NCOA6: variants seen among roughly 807,000 people sequenced by gnomAD.
The protein encoded by NCOA6 is NRC RAP250.
Under a neutral mutation model 171.4 loss-of-function variants are expected in NCOA6, and 49 were observed. The observed-to-expected ratio is 0.29, with a 90% CI of 0.23 to 0.36. The LOEUF is 0.36. NCOA6 is among the 10% of genes least tolerant of loss of function. NCOA6 has a pLI of 1.00. For synonymous variants in NCOA6, 910 were observed against 927.5 expected, an observed-to-expected ratio of 0.98 and a Z score of 0.34; for missense variants, 2,248 against 2,554.5, an observed-to-expected ratio of 0.88 and a Z score of 2.59.
chr20:34,725,590 C>T (rs1361947910), intron 14 of NCOA6, among the ~76,000 whole-genome samples: 1 of 152,142 alleles, frequency 6.6e-6, no homozygotes, highest in Non-Finnish European at 1.5e-5. Context: ...GGACTTTAAT[C>T]CTAATTACAA....
intron 6 of NCOA6, 132 bp from the exon 7 acceptor site, chr20:34,758,236 A>T: frequency 8.2e-7 from 1 of 1,215,348 alleles, no homozygotes; most frequent in Admixed American, 2.8e-5. Flanking sequence ...GCTTGTGAAT[A>T]CCTTCTATGT....
intron 5 of NCOA6, 93 bp from the exon 6 acceptor site, chr20:34,759,026 TTTG>T: frequency 7.1e-7 from 1 of 1,404,998 alleles, no homozygotes. Flanking sequence ...ATATGGAAAA[TTTG>T]TTTTTTTTTT....
intron 9 of NCOA6, among the ~76,000 whole-genome samples, chr20:34,748,321 AC>A (rs1164299330): frequency 2.0e-5 from 3 of 152,224 alleles, no homozygotes; most frequent in East Asian, 3.8e-4. Context: ...TTAATAATAC[AC>A]CATGATTAGC....
At position 34,747,709 on chromosome 20, in the gene NCOA6, T is replaced by C. The variant is rs118174572; in HGVS notation, c.2793-781A>G. Among the ~76,000 whole-genome samples, 37 of 152,304 alleles carry C rather than the reference T, an allele frequency of 2.4e-4. 1 individual carries two copies. In the East Asian group the frequency reaches 4.0e-3, roughly 17 times the overall value. ...TAGTGTTTTGTCTCATTATACTCTGTACAGTTTCATAAGCCACAAAAATCC... is the reference window on the plus strand; with the variant it reads ...TAGTGTTTTGTCTCATTATACTCTGCACAGTTTCATAAGCCACAAAAATCC... On this transcript the variant is annotated intron_variant, in intron 9 of 14. Coordinates refer to ENST00000359003, the MANE Select transcript of NCOA6 (RefSeq NM_014071.5).
At position 34,781,407 on chromosome 20, in the gene NCOA6, C is replaced by T. The variant is rs78385543; in HGVS notation, c.235+714G>A. ...ACCACAAATGCCCGTAAGATATGGA[C>T]AGGTAATCTAAATGTGTGAAGAAGC... is the stretch of plus-strand genomic sequence containing the variant. On this transcript the variant is annotated intron_variant, in intron 3 of 14. Transcript: ENST00000359003. Among the ~76,000 whole-genome samples, 1,117 of 152,318 alleles carry T rather than the reference C, an allele frequency of 7.3e-3. 13 individuals carry two copies. The highest frequency in any genetic ancestry group is 0.024 in the African/African-American group (1,016 of 41,558).
Position 34,758,085 on chromosome 20 carries a change from G to A in NCOA6, c.663C>T (p.Leu221=). ...TTTGCTGCTGTATATGGAGCCCAGA[G>A]AGGAGTGGATCCATTGCATCTGTTT... is the stretch of plus-strand genomic sequence containing the variant. ...ASQSDAMDPL[L]SGLHIQQQSH... is the part of the protein sequence containing the mutation. Residue 221 remains leucine (L), a synonymous_variant, in exon 7 of 15, where the codon CTC becomes CTT. Coordinates refer to ENST00000359003, the MANE Select transcript of NCOA6 (RefSeq NM_014071.5). The A allele has an allele frequency of 2.5e-6, 4 of 1,611,688 alleles. No individual in the cohort carries two copies. The highest frequency in any genetic ancestry group is 2.5e-6 in the Non-Finnish European group (3 of 1,178,116).
chr20:34,717,336 G>C (rs778520363), intron 14 of NCOA6, among the ~76,000 whole-genome samples: 1 of 152,188 alleles, frequency 6.6e-6, no homozygotes, highest in Admixed American at 6.5e-5. Flanking sequence ...TGTAATCCCA[G>C]TTACTCGGGA....
In NCOA6 at chr20:34,741,322, G is replaced by C; in HGVS notation, c.4934C>G (p.Ser1645Ter). ...AGGCCGGGCATTAGACTGAGCAGCT[G>C]ACTGTCCCTCAGAAACCATAACCTT... ...GSKVMVSEGQ[S>*]AAQSNARPQF... is the part of the protein sequence containing the mutation. The change falls in exon 11 of 15, where the codon TCA (serine) becomes TGA (stop). Residue 1645 changes from serine (S) to a stop codon, truncating the protein, a stop_gained. Transcript: ENST00000359003. LOFTEE classifies it high-confidence loss of function. 6.2e-7 allele frequency: 1 copy of C among 1,614,188 alleles called. No homozygotes were observed. The highest frequency in any genetic ancestry group is 8.5e-7 in the Non-Finnish European group (1 of 1,180,032).
chr20:34,746,215 A>G (rs975639726), intron 10 of NCOA6, among the ~76,000 whole-genome samples: 6 of 151,540 alleles, frequency 4.0e-5, no homozygotes, highest in Non-Finnish European at 8.8e-5. Flanking sequence ...TAGAATCTTG[A>G]CATTGACAAG....
intron 1 of NCOA6, among the ~76,000 whole-genome samples, chr20:34,796,210 A>G (rs971008856): frequency 6.6e-6 from 1 of 151,694 alleles, no homozygotes. Context: ...GGGTCTCCCT[A>G]TGTTGCCCAG....
chr20:34,795,965 T>C (rs1160565750), intron 1 of NCOA6, among the ~76,000 whole-genome samples: 1 of 151,970 alleles, frequency 6.6e-6, no homozygotes, highest in African/African-American at 2.4e-5. Flanking sequence ...CTACATGGTC[T>C]TCATGGTATT....
In NCOA6 at chr20:34,782,143, G is replaced by C; in HGVS notation, c.213C>G (p.Asn71Lys). The change falls in exon 3 of 15, where the codon AAC becomes AAG. Residue 71 changes from asparagine to lysine, a missense_variant. Physicochemically the swap from Asn to Lys is moderately conservative, Grantham distance 94. Transcript: ENST00000359003. ...FKWKLDAILK[N>K]VPNLLHMESS... ...TACCCATGTGTAACAAATTGGGCAC[G>C]TTTTTCAATATTGCATCTAATTTCC... is the stretch of plus-strand genomic sequence containing the variant. The C allele has an allele frequency of 6.3e-7, 1 of 1,598,478 alleles. No homozygotes were observed. The highest frequency in any genetic ancestry group is 8.5e-7 in the Non-Finnish European group (1 of 1,171,588).
chr20:34,740,702 T>G lies in NCOA6; in HGVS notation c.5554A>C (p.Thr1852Pro). 1 of 1,614,220 alleles carries G rather than the reference T, an allele frequency of 6.2e-7. No individual in the cohort carries two copies. The highest frequency in any genetic ancestry group is 8.5e-7 in the Non-Finnish European group (1 of 1,180,038). Residue 1852 changes from threonine to proline, a missense_variant, in exon 11 of 15, where the codon ACT (threonine) becomes CCT (proline). Physicochemically the swap from Thr to Pro is conservative, Grantham distance 38. Coordinates refer to ENST00000359003, the MANE Select transcript of NCOA6 (RefSeq NM_014071.5). ...GEEQYGADGE[T>P]EGQGLDTTAP... ...GTGGTGTCTAGCCCTTGGCCTTCAG[T>G]CTCTCCATCTGCACCATATTGTTCT...
intron 1 of NCOA6, among the ~76,000 whole-genome samples, chr20:34,795,086 A>AG (rs1245686807): frequency 6.6e-6 from 1 of 152,218 alleles, no homozygotes; most frequent in Non-Finnish European, 1.5e-5. Flanking sequence ...GAAGACTACC[A>AG]GTTAATAAAT....
intron 13 of NCOA6, among the ~76,000 whole-genome samples, chr20:34,730,735 T>TA (rs1311919116): frequency 2.9e-5 from 4 of 139,546 alleles, no homozygotes; most frequent in Admixed American, 2.3e-4. Flanking sequence ...TTTTTTAAGA[T>TA]AGAGTCTTAC....
chr20:34,821,482 ACAC>A (rs1215544049), intron 1 of NCOA6: 1 of 152,054 alleles, frequency 6.6e-6, no homozygotes, highest in Non-Finnish European at 1.5e-5. Context: ...ACCAAAAACT[ACAC>A]CACACTTGAC....
chr20:34,747,038 A>G, intron 9 of NCOA6, 110 bp from the exon 10 acceptor site: 1 of 1,089,718 alleles, frequency 9.2e-7, no homozygotes, highest in Non-Finnish European at 1.2e-6. Flanking sequence ...AAATGTTTGC[A>G]TTACCATTAT....
chr20:34,747,365 T>C (rs1329981120), intron 9 of NCOA6, among the ~76,000 whole-genome samples: 1 of 152,184 alleles, frequency 6.6e-6, no homozygotes, highest in Non-Finnish European at 1.5e-5. Flanking sequence ...CATAACACCT[T>C]GCAAAAGGTT....
chr20:34,803,705 GT>G (rs1214377966), intron 1 of NCOA6, among the ~76,000 whole-genome samples: 1 of 151,990 alleles, frequency 6.6e-6, no homozygotes, highest in Non-Finnish European at 1.5e-5. Flanking sequence ...ATTCAAAGAA[GT>G]TCATCACTGA....
Sources: gnomAD v4.1 joint callset for allele counts (sites outside exome capture counted in the v4.1 genomes callset) on GRCh38, gnomAD v4.1.1 for gene constraint, MANE v1.5 for transcripts, NCBI Gene and HGNC (gene_info 2026-07-23, HGNC 2026-07-21) for gene names.